The following KIF5A variants were observed in gnomAD, a reference collection of about 807,000 sequenced individuals.
KIF5A encodes the protein kinesin family member 5A, also known as kinesin heavy chain isoform 5A.
Under a neutral mutation model 141.3 loss-of-function variants are expected in KIF5A, and 35 were observed. The ratio of observed to expected loss-of-function variants is 0.25; its 90% CI spans 0.19 to 0.33. The LOEUF is 0.33. Ranked by LOEUF, KIF5A falls within the 10% of genes least tolerant of loss-of-function variation. The pLI is 1.00. For missense variants in KIF5A, 861 were observed against 1,314.3 expected, an observed-to-expected ratio of 0.66 and a Z score of 5.33; for synonymous variants, 448 against 500.2, an observed-to-expected ratio of 0.90 and a Z score of 1.39.
intron 12 of KIF5A, 42 bp from the exon 13 acceptor site, chr12:57,571,279 A>G (rs199800350): frequency 5.8e-4 from 691 of 1,182,414 alleles, no homozygotes; most frequent in Non-Finnish European, 8.3e-4. Flanking sequence ...AACTGGAAGG[A>G]GTAGCTTCCC....
chr12:57,575,698 G>A lies in KIF5A; in HGVS notation c.1964G>A (p.Arg655Gln), dbSNP rs772780431. The change falls in exon 17 of 29, where the codon CGG (arginine) becomes CAG (glutamine). Residue 655 changes from arginine to glutamine, a missense_variant. This residue lies in a region of KIF5A where 482 missense variants were observed against 661.3 expected (regional missense o/e 0.73). Transcript: ENST00000455537. Reference protein sequence around the residue: ...EYMQSVELKKRHLEESYDSLS... With the variant: ...EYMQSVELKKQHLEESYDSLS... ...ATGCAGAGCGTGGAGCTAAAGAAGC[G>A]GCACCTGGAAGAGTCCTATGACTCC... 1.4e-5 allele frequency: 23 copies of A among 1,614,204 alleles called. No individual in the cohort carries two copies. The highest frequency in any genetic ancestry group is 4.4e-5 in the South Asian group (4 of 91,080).
intron 1 of KIF5A, among the ~76,000 whole-genome samples, chr12:57,552,267 CA>C (rs1404773832): frequency 6.6e-6 from 1 of 151,964 alleles, no homozygotes; most frequent in Admixed American, 6.6e-5. Flanking sequence ...TGGGATGGGG[CA>C]GGGGGTGATG....
In KIF5A at chr12:57,550,927, G is replaced by A. The variant is rs972205973; in HGVS notation, c.129+527G>A. On this transcript the variant is annotated intron_variant, in intron 1 of 28. Coordinates refer to ENST00000455537, the MANE Select transcript of KIF5A (RefSeq NM_004984.4). This position sits in a 1 kb window ranked among gnomAD's most constrained non-coding sequence, Gnocchi z 4.6. ...GTAGTTATAGCCTGGATTTTTGTGT[G>A]TGTGTTGTGGGGAGTAGGTCTGATG... Among the ~76,000 whole-genome samples, 1 of 152,078 alleles carries A rather than the reference G, an allele frequency of 6.6e-6. No homozygotes were observed. The highest frequency in any genetic ancestry group is 1.5e-5 in the Non-Finnish European group (1 of 68,014).
At chr12:57,578,789 C>T (rs1262793665) in intron 23 of KIF5A, among the ~76,000 whole-genome samples, 1 of 152,114 alleles carries the variant, frequency 6.6e-6, no homozygotes, top group African/African-American at 2.4e-5. Flanking sequence ...CCTGGCTAGG[C>T]ACAGTGGTGC....
In KIF5A at chr12:57,563,531, T is replaced by C. The variant is rs1321172885; in HGVS notation, c.217+5T>C. ...GTGCCATGCAGATTGTCAAAGGTAA[T>C]AGATTTCTTTTTAGAATGTCTCTTC... On this transcript the variant is annotated splice_donor_5th_base_variant and intron_variant, in intron 2 of 28. Coordinates refer to ENST00000455537, the MANE Select transcript of KIF5A (RefSeq NM_004984.4). 7.4e-6 allele frequency: 12 copies of C among 1,612,648 alleles called. No individual in the cohort carries two copies. The highest frequency in any genetic ancestry group is 5.9e-6 in the Non-Finnish European group (7 of 1,178,728).
At position 57,564,090 on chromosome 12, in the gene KIF5A, A is replaced by C; in HGVS notation, c.292-18A>C. The stretch of plus-strand genomic sequence containing the variant: ...TCCCTGAGCCCCAGCTTCACTCTCA[A>C]ATACCTTCACTCGCCAGGGAAAGCT... On this transcript the variant is annotated intron_variant, in intron 3 of 28. Transcript: ENST00000455537. 6.3e-7 allele frequency: 1 copy of C among 1,594,708 alleles called. No individual in the cohort carries two copies. The highest frequency in any genetic ancestry group is 8.6e-7 in the Non-Finnish European group (1 of 1,162,566).
chr12:57,567,288 T>A (rs1882093483), intron 7 of KIF5A, 75 bp downstream of exon 7: 2 of 1,344,204 alleles, frequency 1.5e-6, no homozygotes, highest in Middle Eastern at 1.9e-4. Context: ...GTGGAGGGAC[T>A]CAAAAGTGAG....
At chr12:57,580,285 C>T (rs1423690384) in intron 23 of KIF5A, among the ~76,000 whole-genome samples, 1 of 152,146 alleles carries the variant, frequency 6.6e-6, no homozygotes, top group African/African-American at 2.4e-5. Context: ...TGCTCCCATG[C>T]TCTAGCTTAA....
At chr12:57,570,268 T>C (rs1882210945) in intron 12 of KIF5A, 106 bp downstream of exon 12, 1 of 938,496 alleles carries the variant, frequency 1.1e-6, no homozygotes, top group Non-Finnish European at 1.6e-6. Flanking sequence ...AAGGGATAAA[T>C]GCTTATGCTT....
chr12:57,552,474 C>T (rs751811628), intron 1 of KIF5A, among the ~76,000 whole-genome samples: 1 of 152,160 alleles, frequency 6.6e-6, no homozygotes, highest in African/African-American at 2.4e-5. Flanking sequence ...TTGTCTTGCT[C>T]GTATCTTCCC....
At position 57,550,239 on chromosome 12, in the gene KIF5A, A is replaced by G. The variant is rs1881526358; in HGVS notation, c.-33A>G. Reference sequence around the variant, plus strand: ...GGAGCACACACCACCCCTGCAGCCCAAGAAGAGTCCCAGCCCCACGCCGGC... The same window carrying G: ...GGAGCACACACCACCCCTGCAGCCCGAGAAGAGTCCCAGCCCCACGCCGGC... On this transcript the variant is annotated 5_prime_UTR_variant, in exon 1 of 29. Transcript: ENST00000455537. This position sits in a 1 kb window ranked among gnomAD's most constrained non-coding sequence, Gnocchi z 4.6. The G allele has an allele frequency of 1.9e-6, 3 of 1,613,252 alleles. No homozygotes were observed. Among genetic ancestry groups the G allele is most frequent in the African/African-American group, 1.3e-5 (1 of 74,906 alleles).
chr12:57,566,267 C>T (rs1340001358), intron 6 of KIF5A, among the ~76,000 whole-genome samples: 2 of 151,538 alleles, frequency 1.3e-5, no homozygotes, highest in Non-Finnish European at 2.9e-5. Flanking sequence ...ACCAGGCCCA[C>T]TTATTTTTGT....
chr12:57,570,410 T>C (rs1007733146), intron 12 of KIF5A, among the ~76,000 whole-genome samples: 1 of 152,234 alleles, frequency 6.6e-6, no homozygotes, highest in African/African-American at 2.4e-5. Context: ...AAGTAATTTT[T>C]TTTTTTGAGA....
intron 23 of KIF5A, among the ~76,000 whole-genome samples, chr12:57,579,784 C>G (rs1478303935): frequency 6.6e-6 from 1 of 152,208 alleles, no homozygotes; most frequent in Non-Finnish European, 1.5e-5. Flanking sequence ...GCCTCTCTGC[C>G]TATGGGAAAG....
intron 23 of KIF5A, among the ~76,000 whole-genome samples, chr12:57,579,685 G>A (rs1164241979): frequency 6.6e-6 from 1 of 152,062 alleles, no homozygotes; most frequent in Non-Finnish European, 1.5e-5. Flanking sequence ...TCTGCCATTC[G>A]ATTTTCATTC....
Position 57,550,176 on chromosome 12 carries a change from G to A in KIF5A, c.-96G>A, listed in dbSNP as rs769714673. 9.1e-5 allele frequency: 142 copies of A among 1,557,510 alleles called. No individual in the cohort carries two copies. Among genetic ancestry groups the A allele is most frequent in the Non-Finnish European group, 1.2e-4 (135 of 1,136,900 alleles). ...CTCTGTCCCCAGAGACTGAGCACCT[G>A]TCCTCCGCCTCGGCCTCTGCTGAGA... On this transcript the variant is annotated 5_prime_UTR_variant, in exon 1 of 29. Coordinates refer to ENST00000455537, the MANE Select transcript of KIF5A (RefSeq NM_004984.4). This position sits in a 1 kb window ranked among gnomAD's most constrained non-coding sequence, Gnocchi z 4.6.
At chr12:57,577,622 A>G (rs1882467300) in intron 20 of KIF5A, 91 bp from the exon 21 acceptor site, 1 of 947,242 alleles carries the variant, frequency 1.1e-6, no homozygotes, top group Non-Finnish European at 1.7e-6. Context: ...TAATAGTAAT[A>G]CTTAAATGGA....
chr12:57,575,072 T>C lies in KIF5A; in HGVS notation c.1717-12T>C, dbSNP rs748156112. Reference sequence around the variant, plus strand: ...AGCCAAGAAGCATCTCTTCCTCCTTTAATCACCTTAGCCAGTGGAGATCAG... The same window carrying C: ...AGCCAAGAAGCATCTCTTCCTCCTTCAATCACCTTAGCCAGTGGAGATCAG... On this transcript the variant is annotated splice_polypyrimidine_tract_variant and intron_variant, in intron 15 of 28. Transcript: ENST00000455537. 3 of 1,613,848 alleles carry C rather than the reference T, an allele frequency of 1.9e-6. No individual in the cohort carries two copies. In the Admixed American group the frequency reaches 5.0e-5, roughly 27 times the overall value.
intron 23 of KIF5A, 82 bp from the exon 24 acceptor site, chr12:57,580,874 C>G: frequency 7.9e-7 from 1 of 1,266,392 alleles, no homozygotes; most frequent in South Asian, 1.2e-5. Flanking sequence ...CTCTCCTCAC[C>G]CCTGTCCCCT....
Sources: allele counts gnomAD v4.1 joint callset (sites outside exome capture counted in the v4.1 genomes callset), GRCh38; gene constraint gnomAD v4.1.1; regional missense constraint gnomAD v4.1.1; non-coding constraint Gnocchi (gnomAD v3.1); transcripts MANE v1.5; gene names NCBI Gene and HGNC (gene_info 2026-07-23, HGNC 2026-07-21).